Variants in SUN1 observed in about 807,000 individuals in gnomAD.
The protein encoded by SUN1 is Sad1 and UNC84 domain containing 1.
Under a neutral mutation model 103.2 loss-of-function variants are expected in SUN1, and 61 were observed. That is an observed-to-expected ratio of 0.59 (90% CI 0.48 to 0.73). SUN1 has a LOEUF of 0.73. Among genes scored for constraint, SUN1 ranks in the 30% least tolerant of loss-of-function variants. The probability of loss-of-function intolerance (pLI) is 0.00; values close to 1 mark genes in which losing one functional copy is unlikely to be tolerated. For synonymous variants in SUN1, 490 were observed against 425.7 expected (o/e 1.15, Z -1.86); for missense variants, 1,052 against 1,034.6 (o/e 1.02, Z -0.23).
chr7:860,354 A>G lies in SUN1; in HGVS notation c.1751A>G (p.Glu584Gly). 1 of 1,613,936 alleles carries G rather than the reference A, an allele frequency of 6.2e-7. No homozygotes were observed. The highest frequency in any genetic ancestry group is 8.5e-7 in the Non-Finnish European group (1 of 1,179,866). The change falls in exon 14 of 19, where the codon GAG (glutamate) becomes GGG (glycine). Residue 584 changes from glutamate (E) to glycine (G), a missense_variant. By Grantham distance (98) the Glu-to-Gly change is moderately conservative. Around this residue, in one of 2 missense-constraint regions of SUN1, gnomAD observed 846 missense variants for 774.5 expected, o/e 1.09. Transcript: ENST00000401592. ...TSEAVVSAVS[E>G]AGASGITEAQ... ...GAAGCCGTGGTGTCTGCTGTGAGCG[A>G]GGCGGGGGCGTCTGGAATAACAGAG... is the stretch of plus-strand genomic sequence containing the variant.
chr7:856,737 G>A (rs959178163), intron 12 of SUN1, among the ~76,000 whole-genome samples: 5 of 152,214 alleles, frequency 3.3e-5, no homozygotes, highest in African/African-American at 1.2e-4. Flanking sequence ...GTTGCAGCCC[G>A]TGCCATGGTG....
At chr7:867,227 G>T (rs1837701290) in intron 16 of SUN1, among the ~76,000 whole-genome samples, 1 of 152,226 alleles carries the variant, frequency 6.6e-6, no homozygotes, top group African/African-American at 2.4e-5. Flanking sequence ...GCTCCTGAGG[G>T]CACAGCCGGA....
chr7:854,322 C>T (rs1316178018), intron 10 of SUN1, among the ~76,000 whole-genome samples: 1 of 152,242 alleles, frequency 6.6e-6, no homozygotes, highest in African/African-American at 2.4e-5. Context: ...AACGCTCAGC[C>T]CCCGAGCCTC....
rs1401424082 is a variant in SUN1, at chr7:853,085, A to G, written c.1053+133A>G. 3 of 1,215,916 alleles carry G rather than the reference A, an allele frequency of 2.5e-6. No individual in the cohort carries two copies. The East Asian group carries it at 7.6e-5, about 31-fold the overall frequency. The allele number at this position is 1,215,916 out of a possible 1,614,324, so 75.3% of individuals were successfully genotyped here. On this transcript the variant is annotated intron_variant, in intron 9 of 18. Transcript: ENST00000401592. ...AGTATTTTTAAATGTCAGATAAGCA[A>G]GTCTTTGGAGCTCCTTAAGTGTTCT...
In SUN1 at chr7:856,411, T is replaced by C; in HGVS notation, c.1394+10T>C. 7.4e-6 allele frequency: 12 copies of C among 1,613,978 alleles called. No individual in the cohort carries two copies. Among genetic ancestry groups the C allele is most frequent in the Non-Finnish European group, 1.0e-5 (12 of 1,179,932 alleles). ...AGCAAAAAACAATCAGGTAGGAGGA[T>C]TTGGAAAACATTCACTTTTGTCTTC... On this transcript the variant is annotated intron_variant, in intron 12 of 18. Transcript: ENST00000401592.
Position 860,170 on chromosome 7 carries a change from G to A in SUN1, c.1567G>A (p.Glu523Lys), listed in dbSNP as rs756002684. The A allele has an allele frequency of 2.6e-5, 42 of 1,614,092 alleles. No homozygotes were observed. Among genetic ancestry groups the A allele is most frequent in the Non-Finnish European group, 3.1e-5 (37 of 1,180,052 alleles). ...AGAAATGGTGAAACTCCTGTTTTCCGAAGATCAGCAAGGCGGTTCTCTGGA... is the reference window on the plus strand; with the variant it reads ...AGAAATGGTGAAACTCCTGTTTTCCAAAGATCAGCAAGGCGGTTCTCTGGA... ...VREMVKLLFS[E>K]DQQGGSLEQL... The change falls in exon 14 of 19, where the codon GAA (glutamate) becomes AAA (lysine). Residue 523 changes from glutamate to lysine, a missense_variant. Glu to Lys is a moderately conservative substitution (Grantham distance 56, BLOSUM62 1). Transcript: ENST00000401592.
intron 11 of SUN1, among the ~76,000 whole-genome samples, chr7:855,865 CCTG>C (rs1460971508): frequency 6.6e-6 from 1 of 152,114 alleles, no homozygotes; most frequent in East Asian, 1.9e-4. Context: ...GGCGCCTCCT[CCTG>C]TGTCCGCCCG....
rs1825791816 is a variant in SUN1, at chr7:855,002, C to T, written c.1346C>T (p.Ser449Phe). 2 of 1,610,578 alleles carry T rather than the reference C, an allele frequency of 1.2e-6. No individual in the cohort carries two copies. Among genetic ancestry groups the T allele is most frequent in the Non-Finnish European group, 1.7e-6 (2 of 1,177,762 alleles). ...EDILGKLREK[S>F]EAIQKELEQT... The stretch of plus-strand genomic sequence containing the variant: ...ATTCTGGGAAAACTGAGAGAAAAAT[C>T]TGAGGTATTTATTTTTGACCTTACG... The change falls in exon 11 of 19, where the codon TCT (serine) becomes TTT (phenylalanine). Residue 449 changes from serine to phenylalanine, a missense_variant. This residue lies in a region of SUN1 where 846 missense variants were observed against 774.5 expected (regional missense o/e 1.09). Transcript: ENST00000401592.
Position 856,342 on chromosome 7 carries a change from T to G in SUN1, c.1351-16T>G, listed in dbSNP as rs1394051590. 1 of 1,613,132 alleles carries G rather than the reference T, an allele frequency of 6.2e-7. No homozygotes were observed. The highest frequency in any genetic ancestry group is 1.7e-5 in the Admixed American group (1 of 60,004). On this transcript the variant is annotated splice_polypyrimidine_tract_variant and intron_variant, in intron 11 of 18. Transcript: ENST00000401592. ...TAACTTATGTGTTTCAGTAGACTAT[T>G]TCTCATACTTTTTAGGCCATCCAGA...
At chr7:858,805 T>G (rs970339592) in intron 13 of SUN1, among the ~76,000 whole-genome samples, 48 of 152,290 alleles carry the variant, frequency 3.2e-4, no homozygotes, top group Admixed American at 3.1e-3. Context: ...TAAGATTATC[T>G]CTGATGTGCA....
chr7:843,248 CT>C lies in SUN1; in HGVS notation c.478+20del. 6.2e-7 allele frequency: 1 copy of C among 1,608,064 alleles called. No homozygotes were observed. On this transcript the variant is annotated intron_variant, in intron 4 of 18. Transcript: ENST00000401592. ...GATCTTAAAGGTAATTATTTTAGTC[CT>C]TTTATCTTCATATACTTTTCAAAAT...
chr7:832,099 C>G, upstream of SUN1: 1 of 1,004,556 alleles, frequency 1.0e-6, no homozygotes, highest in Non-Finnish European at 1.2e-6. Flanking sequence ...CACGCTGTAG[C>G]AGGTAGTTCT....
intron 1 of SUN1, among the ~76,000 whole-genome samples, chr7:837,474 A>G (rs190400853): frequency 1.3e-5 from 2 of 152,196 alleles, no homozygotes; most frequent in Admixed American, 1.3e-4. Context: ...AGTACATCTA[A>G]ATAACACATT....
upstream of SUN1, among the ~76,000 whole-genome samples, chr7:830,705 A>G (rs1169255070): frequency 1.3e-5 from 2 of 152,218 alleles, no homozygotes; most frequent in African/African-American, 4.8e-5. Flanking sequence ...AAATTAGCCC[A>G]ACATCTGAGC....
At chr7:840,270 G>T (rs6977457) in intron 2 of SUN1, among the ~76,000 whole-genome samples, 1 of 152,118 alleles carries the variant, frequency 6.6e-6, no homozygotes, top group Non-Finnish European at 1.5e-5. Flanking sequence ...GAGATGCAGG[G>T]TGTGAGTTCA....
intron 10 of SUN1, among the ~76,000 whole-genome samples, chr7:854,123 G>A (rs1824831043): frequency 2.0e-5 from 3 of 152,192 alleles, no homozygotes; most frequent in African/African-American, 7.2e-5. Flanking sequence ...GAAAACAGCC[G>A]ACAGCTGTTC....
At chr7:845,150 A>G (rs771192430) in intron 5 of SUN1, among the ~76,000 whole-genome samples, 4 of 152,180 alleles carry the variant, frequency 2.6e-5, no homozygotes, top group East Asian at 1.9e-4. Flanking sequence ...CGCGTGTTGT[A>G]GTAAATGTGT....
At chr7:834,386 A>G (rs1390906381) in intron 1 of SUN1, among the ~76,000 whole-genome samples, 2 of 152,180 alleles carry the variant, frequency 1.3e-5, no homozygotes, top group East Asian at 1.9e-4. Flanking sequence ...GATCAGGACC[A>G]GAGGGAAGGA....
chr7:852,760 T>G (rs760476967), intron 8 of SUN1, 50 bp from the exon 9 acceptor site: 1 of 1,612,594 alleles, frequency 6.2e-7, no homozygotes, highest in Non-Finnish European at 8.5e-7. Flanking sequence ...AAGTCCATGT[T>G]TTGAGAAGCG....
Sources: gnomAD v4.1 joint callset for allele counts (sites outside exome capture counted in the v4.1 genomes callset) on GRCh38, gnomAD v4.1.1 for gene constraint, gnomAD v4.1.1 regional missense constraint, MANE v1.5 for transcripts, NCBI Gene and HGNC (gene_info 2026-07-23, HGNC 2026-07-21) for gene names.